Variants in PTK2B observed in about 807,000 individuals in gnomAD.
The protein encoded by PTK2B is protein tyrosine kinase 2 beta, also known as protein-tyrosine kinase 2-beta.
Under a neutral mutation model 142.9 loss-of-function variants are expected in PTK2B, and 71 were observed. The observed-to-expected ratio is 0.50, with a 90% CI of 0.41 to 0.61. The LOEUF (loss-of-function observed/expected upper bound fraction) is 0.61, where lower values mean the gene tolerates loss of function less well. Ranked by LOEUF, PTK2B falls within the 20% of genes least tolerant of loss-of-function variation. The probability of loss-of-function intolerance (pLI) is 0.00; values close to 1 mark genes in which losing one functional copy is unlikely to be tolerated. For missense variants in PTK2B, 1,105 were observed against 1,320.4 expected, an observed-to-expected ratio of 0.84 and a Z score of 2.53; for synonymous variants, 519 against 503.4, an observed-to-expected ratio of 1.03 and a Z score of -0.42.
intron 1 of PTK2B, among the ~76,000 whole-genome samples, chr8:27,345,290 G>A (rs1007927220): frequency 4.6e-5 from 7 of 152,156 alleles, no homozygotes; most frequent in East Asian, 1.9e-4. Flanking sequence ...CAGCTTCCTC[G>A]GGCCTCATCT....
chr8:27,421,273 C>T (rs1356738315), intron 4 of PTK2B, among the ~76,000 whole-genome samples: 1 of 143,634 alleles, frequency 7.0e-6, no homozygotes, highest in Non-Finnish European at 1.5e-5. Flanking sequence ...ACACGTAGCA[C>T]TTACCTATTT....
intron 2 of PTK2B, among the ~76,000 whole-genome samples, chr8:27,416,503 A>G (rs1248587565): frequency 2.0e-5 from 3 of 149,138 alleles, no homozygotes; most frequent in African/African-American, 4.9e-5. Flanking sequence ...TTCACAATAG[A>G]TCACAAAACT....
At chr8:27,352,526 A>G (rs1372876557) in intron 1 of PTK2B, among the ~76,000 whole-genome samples, 1 of 152,200 alleles carries the variant, frequency 6.6e-6, no homozygotes, top group African/African-American at 2.4e-5. Context: ...TTTGCTATAG[A>G]ATCAGCTATG....
intron 1 of PTK2B, among the ~76,000 whole-genome samples, chr8:27,361,871 TA>T (rs1289646022): frequency 6.6e-6 from 1 of 152,148 alleles, no homozygotes; most frequent in Non-Finnish European, 1.5e-5. Flanking sequence ...TCTTCACTGA[TA>T]ACCCCGATGA....
rs1241534704 is a variant in PTK2B at position 27,427,388 on chromosome 8, C to T, written c.552-2705C>T. 3.9e-5 allele frequency among the ~76,000 whole-genome samples: 6 copies of T among 152,154 alleles called. No homozygotes were observed. In the East Asian group the frequency reaches 7.7e-4, roughly 20 times the overall value. On this transcript the variant is annotated intron_variant, in intron 5 of 30. Coordinates refer to ENST00000346049, the MANE Select transcript of PTK2B (RefSeq NM_173176.3). ...GCTCTGTGAGGCAAGGACATGTCCCCGTGCACCAGATTGTGAAAATCTGTC... is the reference window on the plus strand; with the variant it reads ...GCTCTGTGAGGCAAGGACATGTCCCTGTGCACCAGATTGTGAAAATCTGTC...
upstream of PTK2B, among the ~76,000 whole-genome samples, chr8:27,323,056 A>T (rs1205571461): frequency 6.6e-6 from 1 of 152,258 alleles, no homozygotes; most frequent in Admixed American, 6.5e-5. Context: ...AAAGTTAATC[A>T]CCAGCTCAAC....
chr8:27,419,863 C>A, intron 2 of PTK2B, 32 bp from the exon 3 acceptor site: 2 of 1,611,824 alleles, frequency 1.2e-6, no homozygotes, highest in South Asian at 2.2e-5. Context: ...GGTGGGCACC[C>A]CTGAGTCATG....
chr8:27,322,008 T>A (rs1054493397), upstream of PTK2B, among the ~76,000 whole-genome samples: 9 of 151,812 alleles, frequency 5.9e-5, no homozygotes, highest in Non-Finnish European at 8.8e-5. Flanking sequence ...TTTTTTTTTT[T>A]AAATGGACTA....
rs73565940 is a variant in PTK2B, at chr8:27,330,985, G to A, written c.-38+5304G>A. On this transcript the variant is annotated intron_variant, in intron 1 of 30. Coordinates refer to ENST00000346049, the MANE Select transcript of PTK2B (RefSeq NM_173176.3). ...ATACCTGCGGGAGGCAAGCCTTCCC[G>A]TTTCCTAGCTTGGCTGTGTTCGCTA... 2.2e-3 allele frequency among the ~76,000 whole-genome samples: 331 copies of A among 152,262 alleles called. 2 individuals are homozygous for A. Among genetic ancestry groups the A allele is most frequent in the African/African-American group, 7.6e-3 (316 of 41,542 alleles).
chr8:27,452,559 C>CA (rs371050770), intron 27 of PTK2B: 106,762 of 130,408 alleles, frequency 0.82, 43,562 homozygotes, highest in Middle Eastern at 0.93. Flanking sequence ...AGCCCTGCCT[C>CA]AAAAAAAAAA....
chr8:27,374,154 G>T (rs1422803884), intron 1 of PTK2B, among the ~76,000 whole-genome samples: 1 of 152,170 alleles, frequency 6.6e-6, no homozygotes, highest in East Asian at 1.9e-4. Context: ...GCTGCACATT[G>T]GGGCTTCTAA....
chr8:27,353,267 C>G (rs538346087), intron 1 of PTK2B, among the ~76,000 whole-genome samples: 108 of 152,238 alleles, frequency 7.1e-4, no homozygotes, highest in Middle Eastern at 3.4e-3. Flanking sequence ...TGTTTTTCTC[C>G]AATACTCAAG....
rs1179114925 is a variant in PTK2B at position 27,444,284 on chromosome 8, C to A, written c.2214+13C>A. On this transcript the variant is annotated intron_variant, in intron 23 of 30. Coordinates refer to ENST00000346049, the MANE Select transcript of PTK2B (RefSeq NM_173176.3). ...GCTGCAGTTCCAGGTAAAGATAGAA[C>A]CAGAGGACGGGAACTTCAGGTCTAC... is the stretch of plus-strand genomic sequence containing the variant. 7.5e-6 allele frequency: 12 copies of A among 1,610,290 alleles called. No homozygotes were observed. Among genetic ancestry groups the A allele is most frequent in the African/African-American group, 1.3e-5 (1 of 74,932 alleles).
chr8:27,337,020 AAT>A (rs1804112788), intron 1 of PTK2B, among the ~76,000 whole-genome samples: 2 of 142,606 alleles, frequency 1.4e-5, no homozygotes, highest in African/African-American at 5.3e-5. Context: ...ACCGCTAATT[AAT>A]ACTTATTGAT....
intron 3 of PTK2B, among the ~76,000 whole-genome samples, chr8:27,314,550 T>A (rs558190522): frequency 6.6e-6 from 1 of 152,366 alleles, no homozygotes; most frequent in East Asian, 1.9e-4. Context: ...CCATAGGGCG[T>A]AGGCCAAGTA....
intron 2 of PTK2B, among the ~76,000 whole-genome samples, chr8:27,400,521 T>C (rs1808312884): frequency 6.6e-6 from 1 of 150,718 alleles, no homozygotes; most frequent in South Asian, 2.1e-4. Flanking sequence ...AGGAAAATGA[T>C]GAGGACCTGG....
Position 27,445,917 on chromosome 8 carries a change from C to A in PTK2B, c.2338C>A (p.Arg780=), listed in dbSNP as rs753724315. The change falls in exon 24 of 31, where the codon CGG becomes AGG. Residue 780 remains arginine (R), a splice_region_variant and synonymous_variant. Coordinates refer to ENST00000346049, the MANE Select transcript of PTK2B (RefSeq NM_173176.3). ...RHNVFKRHSM[R]EEDFIQPSSR... ...CAATGTCTTCAAACGCCACAGCATG[C>A]GGGTAAGAGGGCTCTGCATGCTGGT... is the stretch of plus-strand genomic sequence containing the variant. The A allele has an allele frequency of 6.2e-7, 1 of 1,613,434 alleles. No individual in the cohort carries two copies. Among genetic ancestry groups the A allele is most frequent in the Non-Finnish European group, 8.5e-7 (1 of 1,180,014 alleles).
chr8:27,407,417 C>G (rs567554005), intron 2 of PTK2B, among the ~76,000 whole-genome samples: 1 of 152,270 alleles, frequency 6.6e-6, no homozygotes, highest in East Asian at 1.9e-4. Context: ...ATTGTTCATC[C>G]CAGTCACTGG....
At chr8:27,332,259 C>A (rs1240338513) in intron 1 of PTK2B, among the ~76,000 whole-genome samples, 1 of 152,232 alleles carries the variant, frequency 6.6e-6, no homozygotes, top group Non-Finnish European at 1.5e-5. Flanking sequence ...AAATCTCTTT[C>A]CTCTTCAAGC....
Sources: allele counts gnomAD v4.1 joint callset (sites outside exome capture counted in the v4.1 genomes callset), GRCh38; gene constraint gnomAD v4.1.1; transcripts MANE v1.5; gene names NCBI Gene and HGNC (gene_info 2026-07-23, HGNC 2026-07-21).